Variants in YPEL2 observed in about 807,000 individuals in gnomAD.
YPEL2 encodes the protein yippee like 2.
A neutral mutation model predicts 19.1 loss-of-function variants in YPEL2; 2 were observed. The ratio of observed to expected loss-of-function variants is 0.10; its 90% confidence interval spans 0.04 to 0.33. The LOEUF (loss-of-function observed/expected upper bound fraction) is 0.33, where lower values mean the gene tolerates loss of function less well. Ranked by LOEUF, YPEL2 falls within the 10% of genes least tolerant of loss-of-function variation. The probability of loss-of-function intolerance (pLI) is 1.00; values close to 1 mark genes in which losing one functional copy is unlikely to be tolerated. For missense variants in YPEL2, 66 were observed against 140.7 expected (o/e 0.47, Z 2.68); for synonymous variants, 52 against 50.0 (o/e 1.04, Z -0.17).
chr17:59,388,020 A>G (rs2047989527), intron 2 of YPEL2, among the ~76,000 whole-genome samples: 1 of 152,166 alleles, frequency 6.6e-6, no homozygotes, highest in Admixed American at 6.5e-5. Flanking sequence ...ATCTCAGGTG[A>G]ATTAATTACA....
intron 2 of YPEL2, among the ~76,000 whole-genome samples, chr17:59,362,225 C>T (rs1205079149): frequency 6.6e-6 from 1 of 151,156 alleles, no homozygotes; most frequent in African/African-American, 2.4e-5. Flanking sequence ...AGCAAATACT[C>T]ATTGACCACT....
rs58304283 is a variant in YPEL2, at chr17:59,349,358, C to CTTTT, written c.-195-3840_-195-3837dup. ...TTCTCAGCCCACAGGCCTTTTTTTT[C>CTTTT]TTTTTTTTTTTTTTTTTTTTGTTGA... On this transcript the variant is annotated intron_variant, in intron 1 of 4. Coordinates refer to ENST00000312655, the MANE Select transcript of YPEL2 (RefSeq NM_001005404.4). Among the ~76,000 whole-genome samples, 478 of 119,220 alleles carry CTTTT rather than the reference C, an allele frequency of 4.0e-3. 1 individual carries two copies. Among genetic ancestry groups the CTTTT allele is most frequent in the Non-Finnish European group, 5.4e-3 (317 of 58,866 alleles). 78.2% of individuals were successfully genotyped at this position (119,220 alleles called of 152,430 possible). A position where few individuals can be genotyped will look rare whatever the true frequency, so the allele number is the denominator to read the frequency against.
rs545212369 is a variant in YPEL2, at chr17:59,360,672, A to G, written c.117+7146A>G. ...GCAGGTGAATCAAATCTGTACAGAA[A>G]GTCTCCAAACAAAGGGATGTGGTTA... On this transcript the variant is annotated intron_variant, in intron 2 of 4. Transcript: ENST00000312655. Among the ~76,000 whole-genome samples the G allele has an allele frequency of 6.8e-4, 104 of 152,300 alleles. 4 individuals are homozygous for G. In the South Asian group the frequency reaches 0.021, roughly 30 times the overall value.
At chr17:59,392,677 AT>A (rs1394320492) in intron 4 of YPEL2, among the ~76,000 whole-genome samples, 4 of 151,066 alleles carry the variant, frequency 2.6e-5, no homozygotes, top group African/African-American at 7.3e-5. Flanking sequence ...CGCCCAGCTA[AT>A]TTTTTTTCTA....
chr17:59,388,067 A>T (rs545501580), intron 2 of YPEL2, among the ~76,000 whole-genome samples: 6 of 152,350 alleles, frequency 3.9e-5, no homozygotes, highest in Admixed American at 3.9e-4. Flanking sequence ...TTTTAATGAC[A>T]TAGTGGTTTT....
At chr17:59,341,096 G>A (rs960981676) in intron 1 of YPEL2, among the ~76,000 whole-genome samples, 2 of 145,182 alleles carry the variant, frequency 1.4e-5, no homozygotes, top group African/African-American at 5.1e-5. Context: ...ATGCTGAGGC[G>A]GGCAGATAGC....
chr17:59,400,474 T>C lies in YPEL2; in HGVS notation c.*3284T>C, dbSNP rs190965584. ...TTTTAAGGGAAACAGTGATCACCAA[T>C]ACATGTTTTCAGTTTTTTTTTTTTT... is the stretch of plus-strand genomic sequence containing the variant. On this transcript the variant is annotated 3_prime_UTR_variant, in exon 5 of 5. Coordinates refer to ENST00000312655, the MANE Select transcript of YPEL2 (RefSeq NM_001005404.4). 5.5e-4 allele frequency: 75 copies of C among 136,312 alleles called. 2 individuals are homozygous for C. The East Asian group carries it at 0.016, about 29-fold the overall frequency. The allele number at this position is 136,312 out of a possible 1,614,324, so 8.4% of individuals were successfully genotyped here.
chr17:59,331,666 C>G lies in YPEL2; in HGVS notation c.-354C>G, dbSNP rs978252916. ...GTCCATCACGGGGTAGCCCCCGGCC[C>G]GGACCCGGAGGGATGCGGAGTGGCG... On this transcript the variant is annotated 5_prime_UTR_variant, in exon 1 of 5. Coordinates refer to ENST00000312655, the MANE Select transcript of YPEL2 (RefSeq NM_001005404.4). 2.0e-5 allele frequency: 3 copies of G among 153,270 alleles called. No homozygotes were observed. The highest frequency in any genetic ancestry group is 4.4e-5 in the Non-Finnish European group (3 of 68,890). 9.5% of individuals were successfully genotyped at this position (153,270 alleles called of 1,614,324 possible).
chr17:59,369,752 CTTTACACT>C (rs1443772766), intron 2 of YPEL2, among the ~76,000 whole-genome samples: 3 of 152,252 alleles, frequency 2.0e-5, no homozygotes, highest in African/African-American at 7.2e-5. Context: ...CCATCCAGCA[CTTTACACT>C]TGTAGTAGTT....
chr17:59,334,391 G>GGT lies in YPEL2; in HGVS notation c.-196+2568_-196+2569insTG, dbSNP rs137996762. On this transcript the variant is annotated intron_variant, in intron 1 of 4. Coordinates refer to ENST00000312655, the MANE Select transcript of YPEL2 (RefSeq NM_001005404.4). ...GGCAGGCAGGTGACTCTTTTTATTTGGGGGGGGGTGAGGAGTCAGGAGTTT... is the reference window on the plus strand; with the variant it reads ...GGCAGGCAGGTGACTCTTTTTATTTGGTGGGGGGGGTGAGGAGTCAGGAGTTT... Among the ~76,000 whole-genome samples the GGT allele has an allele frequency of 9.5e-4, 87 of 91,140 alleles. 2 individuals carry two copies. The highest frequency in any genetic ancestry group is 1.4e-3 in the Non-Finnish European group (54 of 38,462). The allele number at this position is 91,140 out of a possible 152,430, so 59.8% of individuals were successfully genotyped here. A position where few individuals can be genotyped will look rare whatever the true frequency, so the allele number is the denominator to read the frequency against.
chr17:59,334,382 T>C (rs775605243), intron 1 of YPEL2, among the ~76,000 whole-genome samples: 1 of 138,422 alleles, frequency 7.2e-6, no homozygotes, highest in Non-Finnish European at 1.6e-5. Context: ...CAGGTGACTC[T>C]TTTTATTTGG....
chr17:59,347,051 G>A (rs988154665), intron 1 of YPEL2, among the ~76,000 whole-genome samples: 3 of 152,200 alleles, frequency 2.0e-5, no homozygotes, highest in Non-Finnish European at 2.9e-5. Flanking sequence ...AGATGAGTCC[G>A]AAGCTATGCA....
intron 2 of YPEL2, among the ~76,000 whole-genome samples, chr17:59,366,545 C>A (rs186971343): frequency 5.2e-4 from 79 of 152,270 alleles, no homozygotes; most frequent in Non-Finnish European, 8.2e-4. Context: ...CTAGCCCAGC[C>A]GAGTCGGGCA....
At chr17:59,384,326 C>T (rs2047969681) in intron 2 of YPEL2, among the ~76,000 whole-genome samples, 1 of 152,152 alleles carries the variant, frequency 6.6e-6, no homozygotes, top group Non-Finnish European at 1.5e-5. Context: ...AAAATATTGA[C>T]AAAAACAAGT....
chr17:59,371,532 A>C (rs2047897504), intron 2 of YPEL2, among the ~76,000 whole-genome samples: 1 of 152,168 alleles, frequency 6.6e-6, no homozygotes, highest in African/African-American at 2.4e-5. Flanking sequence ...TGGAGAATGC[A>C]GGGGCTGCCT....
intron 4 of YPEL2, among the ~76,000 whole-genome samples, chr17:59,394,969 A>G (rs1016384724): frequency 6.6e-6 from 1 of 152,220 alleles, no homozygotes; most frequent in African/African-American, 2.4e-5. Context: ...CGCGCCTGCA[A>G]TCGCAGGCAC....
At chr17:59,365,082 G>C (rs557820065) in intron 2 of YPEL2, among the ~76,000 whole-genome samples, 20 of 152,322 alleles carry the variant, frequency 1.3e-4, no homozygotes, top group Admixed American at 7.2e-4. Context: ...AATGTTGGAA[G>C]CTAGTGTTAT....
At chr17:59,380,511 C>A (rs1019267094) in intron 2 of YPEL2, among the ~76,000 whole-genome samples, 1 of 152,130 alleles carries the variant, frequency 6.6e-6, no homozygotes, top group Non-Finnish European at 1.5e-5. Flanking sequence ...CTCAAGTGAT[C>A]TGCCCTCCTT....
chr17:59,339,535 G>A (rs1463736456), intron 1 of YPEL2, among the ~76,000 whole-genome samples: 1 of 152,178 alleles, frequency 6.6e-6, no homozygotes, highest in Admixed American at 6.5e-5. Context: ...CTGAGAGTCT[G>A]AGGGTGTTTA....
Sources: allele counts gnomAD v4.1 joint callset (sites outside exome capture counted in the v4.1 genomes callset), GRCh38; gene constraint gnomAD v4.1.1; transcripts MANE v1.5; gene names NCBI Gene and HGNC (gene_info 2026-07-23, HGNC 2026-07-21).